The following PTPRJ variants were observed in gnomAD, a reference collection of about 807,000 sequenced individuals.
PTPRJ encodes the protein receptor-type tyrosine-protein phosphatase eta.
PTPRJ carries 129 observed loss-of-function variants against 141.3 expected under a neutral mutation model. The observed-to-expected ratio is 0.91, with a 90% CI of 0.79 to 1.06. The LOEUF (loss-of-function observed/expected upper bound fraction) is 1.06. Among genes scored for constraint, PTPRJ ranks in the 50% least tolerant of loss-of-function variants. The pLI is 0.00. For missense variants in PTPRJ, 1,601 were observed against 1,679.7 expected (o/e 0.95, Z 0.82); for synonymous variants, 610 against 640.5 (o/e 0.95, Z 0.72).
At chr11:48,119,577 T>C (rs1191186902) in intron 3 of PTPRJ, among the ~76,000 whole-genome samples, 1 of 152,164 alleles carries the variant, frequency 6.6e-6, no homozygotes, top group African/African-American at 2.4e-5. Flanking sequence ...TTTTGTATTT[T>C]TGGTAGAGAC....
At chr11:48,054,379 T>C (rs1390239628) in intron 1 of PTPRJ, among the ~76,000 whole-genome samples, 1 of 152,238 alleles carries the variant, frequency 6.6e-6, no homozygotes, top group Non-Finnish European at 1.5e-5. Context: ...ACAGAAACTC[T>C]ATGAAGGAGA....
chr11:48,005,500 C>G (rs948624909), intron 1 of PTPRJ, among the ~76,000 whole-genome samples: 8 of 152,178 alleles, frequency 5.3e-5, no homozygotes, highest in African/African-American at 1.9e-4. Flanking sequence ...TTTTCAAGGT[C>G]CATCCATGTT....
chr11:48,135,331 C>T (rs539236791), intron 8 of PTPRJ, among the ~76,000 whole-genome samples: 20 of 151,892 alleles, frequency 1.3e-4, no homozygotes, highest in African/African-American at 4.6e-4. Context: ...TGCACCACCA[C>T]GCCCGGCTAA....
At chr11:48,024,047 C>G (rs1228042) in intron 1 of PTPRJ, among the ~76,000 whole-genome samples, 10,005 of 151,944 alleles carry the variant, frequency 0.066, 1,044 homozygotes, top group African/African-American at 0.22. Flanking sequence ...CACCCCTTAT[C>G]CAGCAGGCCC....
chr11:48,134,695 GAC>G (rs1373963241), intron 8 of PTPRJ, among the ~76,000 whole-genome samples: 2 of 152,146 alleles, frequency 1.3e-5, no homozygotes, highest in African/African-American at 2.4e-5. Flanking sequence ...GGTAAAGAGA[GAC>G]AGGGTTGAAA....
Position 48,139,649 on chromosome 11 carries a change from T to C in PTPRJ, c.2316T>C (p.Asn772=). The C allele has an allele frequency of 6.2e-7, 1 of 1,614,238 alleles. No homozygotes were observed. The highest frequency in any genetic ancestry group is 8.5e-7 in the Non-Finnish European group (1 of 1,180,040). ...ATHLESCSSE[N]GTEYRTEVTY... ...ACCTGGAGAGCTGCTCCTCTGAGAA[T>C]GGCACTGAGTATAGAACGGAAGTCA... Residue 772 remains asparagine (N), a synonymous_variant, in exon 11 of 25, where the codon AAT becomes AAC. Coordinates refer to ENST00000418331, the MANE Select transcript of PTPRJ (RefSeq NM_002843.4).
At chr11:48,041,103 T>G (rs7114873) in intron 1 of PTPRJ, among the ~76,000 whole-genome samples, 2,049 of 152,212 alleles carry the variant, frequency 0.013, 50 homozygotes, top group African/African-American at 0.047. Context: ...GTACATCCTC[T>G]TTCTGTGTCA....
intron 1 of PTPRJ, among the ~76,000 whole-genome samples, chr11:47,996,262 G>C (rs1854332957): frequency 6.6e-6 from 1 of 151,052 alleles, no homozygotes; most frequent in Non-Finnish European, 1.5e-5. Flanking sequence ...GTGAACCCGG[G>C]AGGCGGAGCT....
chr11:48,008,960 A>C (rs1854700435), intron 1 of PTPRJ, among the ~76,000 whole-genome samples: 1 of 152,236 alleles, frequency 6.6e-6, no homozygotes, highest in African/African-American at 2.4e-5. Flanking sequence ...TTGGGAAAGG[A>C]AAGTAGTTCC....
At chr11:47,987,912 C>T (rs995310108) in intron 1 of PTPRJ, among the ~76,000 whole-genome samples, 3 of 152,198 alleles carry the variant, frequency 2.0e-5, no homozygotes, top group African/African-American at 7.2e-5. Flanking sequence ...AGTGTCAGCT[C>T]CCACAGAAGG....
chr11:47,986,603 G>A (rs987489225), intron 1 of PTPRJ, among the ~76,000 whole-genome samples: 2 of 152,064 alleles, frequency 1.3e-5, no homozygotes, highest in Non-Finnish European at 2.9e-5. Context: ...TGCAACCTCC[G>A]CCTCCCGGGT....
intron 24 of PTPRJ, among the ~76,000 whole-genome samples, chr11:48,166,650 T>G (rs958985725): frequency 3.3e-5 from 5 of 152,172 alleles, no homozygotes; most frequent in African/African-American, 1.2e-4. Flanking sequence ...CTCTGTGATT[T>G]TTTTTCTCCT....
At chr11:48,059,493 A>G (rs1424583955) in intron 1 of PTPRJ, among the ~76,000 whole-genome samples, 1 of 152,190 alleles carries the variant, frequency 6.6e-6, no homozygotes, top group East Asian at 1.9e-4. Flanking sequence ...AATGGAGGCT[A>G]CAGGGGGATG....
intron 8 of PTPRJ, chr11:48,132,620 C>T: frequency 2.2e-6 from 2 of 906,036 alleles, no homozygotes; most frequent in Non-Finnish European, 2.6e-6. Flanking sequence ...TGCAGCACAC[C>T]AACATGGCAC....
At chr11:48,098,246 A>G (rs897018635) in intron 1 of PTPRJ, among the ~76,000 whole-genome samples, 4 of 152,216 alleles carry the variant, frequency 2.6e-5, no homozygotes, top group Non-Finnish European at 5.9e-5. Flanking sequence ...GGGGTGCTGA[A>G]TCAGCATTTA....
At chr11:48,038,845 T>TAA (rs36150010) in intron 1 of PTPRJ, among the ~76,000 whole-genome samples, 2,116 of 116,670 alleles carry the variant, frequency 0.018, 57 homozygotes, top group African/African-American at 0.062. Flanking sequence ...CACTTTACTC[T>TAA]AAAAAAAAAA....
At chr11:48,024,210 T>C (rs1853742556) in intron 1 of PTPRJ, among the ~76,000 whole-genome samples, 1 of 152,140 alleles carries the variant, frequency 6.6e-6, no homozygotes, top group South Asian at 2.1e-4. Flanking sequence ...TCTTTCTTTT[T>C]GTTTTGAGAT....
intron 21 of PTPRJ, among the ~76,000 whole-genome samples, chr11:48,157,913 A>G (rs1857652187): frequency 6.6e-6 from 1 of 152,130 alleles, no homozygotes; most frequent in South Asian, 2.1e-4. Flanking sequence ...AGCACTTTGG[A>G]AGGCCATGGT....
chr11:47,998,599 A>C (rs1854405766), intron 1 of PTPRJ, among the ~76,000 whole-genome samples: 2 of 152,200 alleles, frequency 1.3e-5, no homozygotes, highest in Admixed American at 1.3e-4. Flanking sequence ...TTGTGTGCCA[A>C]ATGGGGCTAA....
Sources: gnomAD v4.1 joint callset for allele counts (sites outside exome capture counted in the v4.1 genomes callset) on GRCh38, gnomAD v4.1.1 for gene constraint, MANE v1.5 for transcripts, NCBI Gene and HGNC (gene_info 2026-07-23, HGNC 2026-07-21) for gene names.